Variants in UBQLN1 observed in about 807,000 individuals in gnomAD.
UBQLN1 encodes ubiquilin 1.
In UBQLN1, 13 loss-of-function variants were observed where a neutral mutation model predicts 65.4. The observed-to-expected ratio is 0.20, with a 90% confidence interval of 0.13 to 0.32. The LOEUF is 0.32. UBQLN1 is among the 10% of genes least tolerant of loss of function. The pLI is 1.00. For synonymous variants in UBQLN1, 267 were observed against 247.8 expected, an observed-to-expected ratio of 1.08 and a Z score of -0.73; for missense variants, 561 against 724.0, an observed-to-expected ratio of 0.77 and a Z score of 2.58.
Position 83,664,963 on chromosome 9 carries a change from C to T in UBQLN1, c.1448+67G>A, listed in dbSNP as rs1371543315. 5.4e-6 allele frequency: 3 copies of T among 557,582 alleles called. No homozygotes were observed. In the South Asian group the frequency reaches 7.3e-5, roughly 14 times the overall value. 34.5% of individuals were successfully genotyped at this position (557,582 alleles called of 1,614,324 possible). A position where few individuals can be genotyped will look rare whatever the true frequency, so the allele number is the denominator to read the frequency against. ...AAAAAAAAAGGCAGGCAGAATAATA[C>T]TAAATCTGAAATTCTCAGAGAAAGT... On this transcript the variant is annotated intron_variant, in intron 9 of 10. Coordinates refer to ENST00000376395, the MANE Select transcript of UBQLN1 (RefSeq NM_013438.5).
At chr9:83,707,123 A>G (rs1319902287) in intron 1 of UBQLN1, among the ~76,000 whole-genome samples, 1 of 151,900 alleles carries the variant, frequency 6.6e-6, no homozygotes, top group African/African-American at 2.4e-5. Context: ...GCTAAAGCGA[A>G]CCCTCGCCCC....
chr9:83,679,359 A>G (rs556018764), intron 4 of UBQLN1, among the ~76,000 whole-genome samples: 4 of 152,252 alleles, frequency 2.6e-5, no homozygotes, highest in Non-Finnish European at 5.9e-5. Flanking sequence ...GTCTGATTCT[A>G]GAATCACAAA....
intron 6 of UBQLN1, among the ~76,000 whole-genome samples, chr9:83,675,412 T>C (rs1254522813): frequency 1.3e-5 from 2 of 151,302 alleles, no homozygotes; most frequent in African/African-American, 4.9e-5. Flanking sequence ...TTTTGACAAC[T>C]AAAATTGTTT....
intron 6 of UBQLN1, among the ~76,000 whole-genome samples, chr9:83,673,251 A>C (rs1215172335): frequency 6.7e-6 from 1 of 150,160 alleles, no homozygotes; most frequent in Non-Finnish European, 1.5e-5. Flanking sequence ...AACCAAAACA[A>C]TTTTTGGTCG....
intron 1 of UBQLN1, among the ~76,000 whole-genome samples, chr9:83,702,312 C>G (rs565734368): frequency 7.2e-5 from 11 of 152,228 alleles, no homozygotes; most frequent in Admixed American, 2.0e-4. Context: ...CAATTACGCT[C>G]TTTCTTAAAA....
intron 1 of UBQLN1, among the ~76,000 whole-genome samples, chr9:83,705,867 G>GTAC (rs59776869): frequency 0.2 from 29,706 of 151,496 alleles, 3,143 homozygotes; most frequent in African/African-American, 0.25. Flanking sequence ...AATACACACA[G>GTAC]TACTATAGGC....
chr9:83,682,289 A>AAT (rs71365321), intron 3 of UBQLN1, among the ~76,000 whole-genome samples: 31,406 of 149,876 alleles, frequency 0.21, 3,594 homozygotes, highest in African/African-American at 0.29. Context: ...TGTCTCAAAA[A>AAT]ATATATATAT....
At chr9:83,705,045 A>G (rs1017940613) in intron 1 of UBQLN1, among the ~76,000 whole-genome samples, 5 of 152,060 alleles carry the variant, frequency 3.3e-5, no homozygotes, top group Non-Finnish European at 7.4e-5. Flanking sequence ...GGCATGAATT[A>G]GGAATCCTAG....
chr9:83,681,381 T>C (rs1831937627), intron 3 of UBQLN1, among the ~76,000 whole-genome samples: 1 of 152,088 alleles, frequency 6.6e-6, no homozygotes. Context: ...AAGAAAGACA[T>C]CCTCAGAACT....
Position 83,677,954 on chromosome 9 carries a change from C to G in UBQLN1, c.878G>C (p.Gly293Ala). The change falls in exon 6 of 11, where the codon GGT becomes GCT. Residue 293 changes from glycine to alanine, a missense_variant. Physicochemically the swap from Gly to Ala is moderately conservative, Grantham distance 60. This residue lies in a region of UBQLN1 where 75 missense variants were observed against 138.9 expected (regional missense o/e 0.54). Transcript: ENST00000376395. ...GCTCACCAAGGAAGCAAATGGATTA[C>G]CACCAAACTGTAATAAAAGACATAA... Reference protein sequence around the residue: ...MLSAAQEQFGGNPFASLVSNT... With the variant: ...MLSAAQEQFGANPFASLVSNT... 1 of 1,608,170 alleles carries G rather than the reference C, an allele frequency of 6.2e-7. No homozygotes were observed. The highest frequency in any genetic ancestry group is 8.5e-7 in the Non-Finnish European group (1 of 1,175,754).
chr9:83,689,526 T>G (rs1412604566), intron 1 of UBQLN1, among the ~76,000 whole-genome samples: 1 of 152,220 alleles, frequency 6.6e-6, no homozygotes, highest in African/African-American at 2.4e-5. Flanking sequence ...GTGCCTTTAC[T>G]AAATTAGACT....
intron 2 of UBQLN1, among the ~76,000 whole-genome samples, chr9:83,685,376 T>C (rs950236485): frequency 6.6e-6 from 1 of 152,344 alleles, no homozygotes; most frequent in East Asian, 1.9e-4. Flanking sequence ...AAGAGTGATA[T>C]GATAAAATTC....
chr9:83,686,365 C>CT (rs776823283), intron 1 of UBQLN1, among the ~76,000 whole-genome samples: 125 of 152,192 alleles, frequency 8.2e-4, no homozygotes, highest in Non-Finnish European at 4.3e-4. Flanking sequence ...GCACTCCAGC[C>CT]TGGGTGACAG....
In UBQLN1 at chr9:83,707,692, G is replaced by C; in HGVS notation, c.-13C>G. ...CACTCTCGGCCATGGCTGTGGCGGC[G>C]GCGGCGGCGGTGACTCAGGCAAGCA... On this transcript the variant is annotated 5_prime_UTR_variant, in exon 1 of 11. Coordinates refer to ENST00000376395, the MANE Select transcript of UBQLN1 (RefSeq NM_013438.5). The C allele has an allele frequency of 6.5e-7, 1 of 1,526,782 alleles. No homozygotes were observed. The highest frequency in any genetic ancestry group is 1.4e-5 in the African/African-American group (1 of 70,752). The allele number at this position is 1,526,782 out of a possible 1,614,324, so 94.6% of individuals were successfully genotyped here. A position where few individuals can be genotyped will look rare whatever the true frequency, so the allele number is the denominator to read the frequency against.
intron 1 of UBQLN1, among the ~76,000 whole-genome samples, chr9:83,702,264 T>A (rs1832321606): frequency 6.6e-6 from 1 of 152,184 alleles, no homozygotes; most frequent in Non-Finnish European, 1.5e-5. Context: ...AATTACAGAC[T>A]TTAAAATGGT....
intron 6 of UBQLN1, among the ~76,000 whole-genome samples, chr9:83,671,678 CT>C (rs887395069): frequency 3.3e-5 from 5 of 151,492 alleles, no homozygotes; most frequent in Non-Finnish European, 5.9e-5. Flanking sequence ...TTCTTTTTTT[CT>C]TTTTTTTCCT....
intron 7 of UBQLN1, chr9:83,667,688 G>A: frequency 4.1e-6 from 4 of 985,132 alleles, no homozygotes; most frequent in Non-Finnish European, 4.8e-6. Flanking sequence ...AAAAAAGCAT[G>A]TCATCTTAAA....
At chr9:83,676,978 C>T (rs553723912) in intron 6 of UBQLN1, among the ~76,000 whole-genome samples, 116 of 152,320 alleles carry the variant, frequency 7.6e-4, no homozygotes, top group Non-Finnish European at 1.4e-3. Context: ...AACCTGTTCA[C>T]ACATGAGAAT....
At chr9:83,662,006 A>G (rs886125522) in intron 10 of UBQLN1, 67 bp from the exon 11 acceptor site, 1 of 1,476,098 alleles carries the variant, frequency 6.8e-7, no homozygotes, top group African/African-American at 1.4e-5. Context: ...ATGACTTTTA[A>G]AATTTTTTAA....
Sources: allele counts gnomAD v4.1 joint callset (sites outside exome capture counted in the v4.1 genomes callset), GRCh38; gene constraint gnomAD v4.1.1; regional missense constraint gnomAD v4.1.1; transcripts MANE v1.5; gene names NCBI Gene and HGNC (gene_info 2026-07-23, HGNC 2026-07-21).